The following EPS8 variants were observed in gnomAD, a reference collection of about 807,000 sequenced individuals.
EPS8 encodes the protein epidermal growth factor receptor kinase substrate 8.
In EPS8, 42 loss-of-function variants were observed where a neutral mutation model predicts 103.8. The observed-to-expected ratio is 0.40, with a 90% CI of 0.32 to 0.52. The LOEUF (loss-of-function observed/expected upper bound fraction) is 0.52, where lower values mean the gene tolerates loss of function less well. Ranked by LOEUF, EPS8 falls within the 20% of genes least tolerant of loss-of-function variation. EPS8 has a pLI of 0.40. For synonymous variants in EPS8, 344 were observed against 344.6 expected, an observed-to-expected ratio of 1.00 and a Z score of 0.02; for missense variants, 969 against 1,005.1, an observed-to-expected ratio of 0.96 and a Z score of 0.49.
At position 15,725,745 on chromosome 12, in the gene EPS8, A is replaced by C. The variant is rs903768174; in HGVS notation, c.-21-42773T>G. On this transcript the variant is annotated intron_variant, in intron 1 of 20. Transcript: ENST00000281172. The surrounding 1 kb of genome is among the most constrained non-coding windows in gnomAD (Gnocchi z 4.5). ...GAGAAATGAACAAAAAGATGGAAAA[A>C]TATGAATTTTAAAAATTTACAAGCT... Among the ~76,000 whole-genome samples the C allele has an allele frequency of 1.3e-5, 2 of 152,212 alleles. No individual in the cohort carries two copies. The highest frequency in any genetic ancestry group is 1.3e-4 in the Admixed American group (2 of 15,288).
At chr12:15,623,007 C>T in intron 20 of EPS8, 151 bp downstream of exon 20, 1 of 684,788 alleles carries the variant, frequency 1.5e-6, no homozygotes, top group South Asian at 2.5e-5. Context: ...TGGAAACTGT[C>T]ATTGATGATC....
In EPS8 at chr12:15,669,653, T is replaced by C. The variant is rs763334813; in HGVS notation, c.366+11A>G. The C allele has an allele frequency of 2.5e-6, 4 of 1,581,956 alleles. No individual in the cohort carries two copies. In the East Asian group the frequency reaches 6.7e-5, roughly 27 times the overall value. ...CTTGAAAATAAAATAGTATAAATTT[T>C]ACACACTTGCCTTTGATTCTAAATC... On this transcript the variant is annotated intron_variant, in intron 5 of 20. Coordinates refer to ENST00000281172, the MANE Select transcript of EPS8 (RefSeq NM_004447.6).
At chr12:15,765,595 T>G (rs971856885) in intron 1 of EPS8, among the ~76,000 whole-genome samples, 4 of 151,900 alleles carry the variant, frequency 2.6e-5, no homozygotes, top group Non-Finnish European at 4.4e-5. Flanking sequence ...AATGAGATAC[T>G]GAAATTATTG....
chr12:15,676,342 C>T (rs1463593725), intron 3 of EPS8, among the ~76,000 whole-genome samples: 1 of 151,550 alleles, frequency 6.6e-6, no homozygotes, highest in Non-Finnish European at 1.5e-5. Flanking sequence ...ATCTAGTTTC[C>T]CAGCCTACAG....
rs953049042 is a variant in EPS8 at position 15,772,345 on chromosome 12, T to C, written c.-22+16816A>G. Reference sequence around the variant, plus strand: ...TGTGATATTCAGCTTCAGTCATAAATAGAGTTAGAGTTCCCAAGAAAGGCA... The same window carrying C: ...TGTGATATTCAGCTTCAGTCATAAACAGAGTTAGAGTTCCCAAGAAAGGCA... On this transcript the variant is annotated intron_variant, in intron 1 of 20. Coordinates refer to ENST00000281172, the MANE Select transcript of EPS8 (RefSeq NM_004447.6). The surrounding 1 kb of genome is among the most constrained non-coding windows in gnomAD (Gnocchi z 5.0). Among the ~76,000 whole-genome samples, 1 of 152,038 alleles carries C rather than the reference T, an allele frequency of 6.6e-6. No homozygotes were observed. Among genetic ancestry groups the C allele is most frequent in the Non-Finnish European group, 1.5e-5 (1 of 68,002 alleles).
At chr12:15,756,478 T>C (rs949663942) in intron 1 of EPS8, among the ~76,000 whole-genome samples, 2 of 152,168 alleles carry the variant, frequency 1.3e-5, no homozygotes, top group East Asian at 1.9e-4. Flanking sequence ...TGGTTTCATA[T>C]TGGCAGAAAA....
intron 11 of EPS8, 53 bp from the exon 12 acceptor site, chr12:15,658,206 C>G: frequency 8.1e-7 from 1 of 1,238,432 alleles, no homozygotes; most frequent in Non-Finnish European, 1.2e-6. Context: ...GACAGACACT[C>G]AGAAAGGTCC....
chr12:15,668,899 C>A (rs1945763540), intron 6 of EPS8, among the ~76,000 whole-genome samples: 1 of 152,108 alleles, frequency 6.6e-6, no homozygotes, highest in Non-Finnish European at 1.5e-5. Flanking sequence ...CAGAATGCAT[C>A]TTATTTTTAA....
intron 1 of EPS8, among the ~76,000 whole-genome samples, chr12:15,737,551 A>T (rs1326195233): frequency 6.6e-6 from 1 of 152,134 alleles, no homozygotes; most frequent in Non-Finnish European, 1.5e-5. Flanking sequence ...CCTCACAATG[A>T]CCCTATGAGG....
rs1206349792 is a variant in EPS8 at position 15,738,635 on chromosome 12, G to C, written c.-22+50526C>G. On this transcript the variant is annotated intron_variant, in intron 1 of 20. Transcript: ENST00000281172. This position sits in a 1 kb window ranked among gnomAD's most constrained non-coding sequence, Gnocchi z 6.2. ...GCATTCTGCATTATTATGCCCTAGG[G>C]CATTTTAAGTACCTTAAAGCACTTG... Among the ~76,000 whole-genome samples the C allele has an allele frequency of 6.6e-6, 1 of 152,044 alleles. No homozygotes were observed. Among genetic ancestry groups the C allele is most frequent in the Non-Finnish European group, 1.5e-5 (1 of 68,018 alleles).
In EPS8 at chr12:15,717,517, G is replaced by A. The variant is rs188264252; in HGVS notation, c.-21-34545C>T. Among the ~76,000 whole-genome samples, 1 of 152,088 alleles carries A rather than the reference G, an allele frequency of 6.6e-6. No homozygotes were observed. Among genetic ancestry groups the A allele is most frequent in the East Asian group, 1.9e-4 (1 of 5,194 alleles). On this transcript the variant is annotated intron_variant, in intron 1 of 20. Coordinates refer to ENST00000281172, the MANE Select transcript of EPS8 (RefSeq NM_004447.6). This position sits in a 1 kb window ranked among gnomAD's most constrained non-coding sequence, Gnocchi z 4.3. The stretch of plus-strand genomic sequence containing the variant: ...CAGCAGAATTGCTTAAGCCCCGGAG[G>A]CAGAGGTTGCAGTCAGCCGAGATCG...
At chr12:15,627,327 C>T (rs767696846) in intron 18 of EPS8, among the ~76,000 whole-genome samples, 1 of 152,058 alleles carries the variant, frequency 6.6e-6, no homozygotes, top group Non-Finnish European at 1.5e-5. Context: ...TTTAACCTAC[C>T]TCCTTTCATT....
Position 15,771,303 on chromosome 12 carries a change from C to T in EPS8, c.-22+17858G>A, listed in dbSNP as rs756400374. ...GGCTAATGAGTAATTTATAGGAAAG[C>T]GGGTAGTGAGGCTAAAATTAAAGAA... On this transcript the variant is annotated intron_variant, in intron 1 of 20. Transcript: ENST00000281172. The surrounding 1 kb of genome is among the most constrained non-coding windows in gnomAD (Gnocchi z 4.6). 1.3e-5 allele frequency among the ~76,000 whole-genome samples: 2 copies of T among 152,022 alleles called. No individual in the cohort carries two copies. Among genetic ancestry groups the T allele is most frequent in the South Asian group, 2.1e-4 (1 of 4,824 alleles).
In EPS8 at chr12:15,772,879, C is replaced by T. The variant is rs1271849246; in HGVS notation, c.-22+16282G>A. ...CTAAATGGTAAAAATTCATAGTGAA[C>T]GAGACACAGTTTATGTCCTCAAAGA... On this transcript the variant is annotated intron_variant, in intron 1 of 20. Coordinates refer to ENST00000281172, the MANE Select transcript of EPS8 (RefSeq NM_004447.6). This position sits in a 1 kb window ranked among gnomAD's most constrained non-coding sequence, Gnocchi z 5.0. 6.6e-6 allele frequency among the ~76,000 whole-genome samples: 1 copy of T among 152,112 alleles called. No homozygotes were observed. The highest frequency in any genetic ancestry group is 1.9e-4 in the East Asian group (1 of 5,194).
chr12:15,763,632 C>T (rs1045930265), intron 1 of EPS8, among the ~76,000 whole-genome samples: 1 of 152,174 alleles, frequency 6.6e-6, no homozygotes, highest in African/African-American at 2.4e-5. Context: ...GTATGCTGCT[C>T]TCATCTAGAT....
chr12:15,758,774 T>C (rs965741446), intron 1 of EPS8, among the ~76,000 whole-genome samples: 6 of 152,194 alleles, frequency 3.9e-5, no homozygotes, highest in Non-Finnish European at 8.8e-5. Context: ...GAAAGTGATA[T>C]AGTGGTTATG....
Position 15,751,922 on chromosome 12 carries a change from G to A in EPS8, c.-22+37239C>T, listed in dbSNP as rs939683755. Among the ~76,000 whole-genome samples, 3 of 152,090 alleles carry A rather than the reference G, an allele frequency of 2.0e-5. No homozygotes were observed. Among genetic ancestry groups the A allele is most frequent in the African/African-American group, 4.8e-5 (2 of 41,400 alleles). On this transcript the variant is annotated intron_variant, in intron 1 of 20. Coordinates refer to ENST00000281172, the MANE Select transcript of EPS8 (RefSeq NM_004447.6). The surrounding 1 kb of genome is among the most constrained non-coding windows in gnomAD (Gnocchi z 4.3). ...TGTAGGCATGGGCGTGGGGGAGGTG[G>A]AGAGCCAGAAAAGTGTAGAAAATCA...
At chr12:15,750,604 G>C (rs1405302501) in intron 1 of EPS8, among the ~76,000 whole-genome samples, 1 of 152,158 alleles carries the variant, frequency 6.6e-6, no homozygotes, top group Admixed American at 6.5e-5. Flanking sequence ...CAGATTCAAG[G>C]AGCCTCAAGC....
intron 1 of EPS8, among the ~76,000 whole-genome samples, chr12:15,699,059 T>A (rs375718685): frequency 6.6e-6 from 1 of 152,168 alleles, no homozygotes; most frequent in African/African-American, 2.4e-5. Context: ...TCCACCGATG[T>A]GACTGCCCCT....
Sources: allele counts gnomAD v4.1 joint callset (sites outside exome capture counted in the v4.1 genomes callset), GRCh38; gene constraint gnomAD v4.1.1; non-coding constraint Gnocchi (gnomAD v3.1); transcripts MANE v1.5; gene names NCBI Gene and HGNC (gene_info 2026-07-23, HGNC 2026-07-21).